The following TLL2 variants were observed in gnomAD, a reference collection of about 807,000 sequenced individuals.
TLL2 encodes tolloid like 2.
A neutral mutation model predicts 123.0 loss-of-function variants in TLL2; 106 were observed. The observed-to-expected ratio is 0.86, with a 90% CI of 0.74 to 1.01. TLL2 has a LOEUF of 1.01. Among genes scored for constraint, TLL2 ranks in the 50% least tolerant of loss-of-function variants. The probability of loss-of-function intolerance (pLI) is 0.00; values close to 1 mark genes in which losing one functional copy is unlikely to be tolerated. For missense variants in TLL2, 1,332 were observed against 1,336.7 expected, an observed-to-expected ratio of 1.00 and a Z score of 0.06; for synonymous variants, 494 against 516.8, an observed-to-expected ratio of 0.96 and a Z score of 0.60.
At chr10:96,405,086 G>T in intron 10 of TLL2, 146 bp downstream of exon 10, 1 of 698,548 alleles carries the variant, frequency 1.4e-6, no homozygotes, top group Non-Finnish European at 2.5e-6. Context: ...AACATGTGTG[G>T]CCAAATGGAG....
intron 1 of TLL2, among the ~76,000 whole-genome samples, chr10:96,508,157 G>A (rs1847594670): frequency 1.3e-5 from 2 of 152,142 alleles, no homozygotes; most frequent in African/African-American, 4.8e-5. Flanking sequence ...AAACCAGGAT[G>A]CCCGCCCTGC....
chr10:96,425,597 T>C lies in TLL2; in HGVS notation c.639-2870A>G, dbSNP rs187377740. On this transcript the variant is annotated intron_variant, in intron 5 of 20. Coordinates refer to ENST00000357947, the MANE Select transcript of TLL2 (RefSeq NM_012465.4). ...TTAGTCTTAGATATAGTATCTATTA[T>C]GTTTCTATTAAAGTTGTGATTTTTT... 4.0e-3 allele frequency among the ~76,000 whole-genome samples: 613 copies of C among 152,052 alleles called. 12 individuals carry two copies. The highest frequency in any genetic ancestry group is 0.014 in the African/African-American group (585 of 41,532).
At chr10:96,428,443 G>A (rs564294336) in intron 5 of TLL2, among the ~76,000 whole-genome samples, 188 bp downstream of exon 5, 2 of 152,234 alleles carry the variant, frequency 1.3e-5, no homozygotes, top group Admixed American at 6.5e-5. Context: ...GAGTCTCCTG[G>A]AATCTTCCTC....
chr10:96,440,886 T>C (rs1846844271), intron 3 of TLL2, among the ~76,000 whole-genome samples: 2 of 152,246 alleles, frequency 1.3e-5, no homozygotes, highest in South Asian at 4.1e-4. Flanking sequence ...AGGATCTTAA[T>C]GCAACTGTCA....
intron 10 of TLL2, among the ~76,000 whole-genome samples, chr10:96,404,939 A>G (rs943968337): frequency 3.9e-5 from 6 of 152,196 alleles, no homozygotes; most frequent in African/African-American, 1.4e-4. Context: ...GAACATTTAA[A>G]TTGCTTGCAA....
chr10:96,443,029 CA>C (rs1379636704), intron 3 of TLL2, among the ~76,000 whole-genome samples: 1 of 152,130 alleles, frequency 6.6e-6, no homozygotes, highest in African/African-American at 2.4e-5. Flanking sequence ...GATTCAAACC[CA>C]AGTGTGTCTG....
chr10:96,373,953 A>C, intron 18 of TLL2, 144 bp from the exon 19 acceptor site: 1 of 668,964 alleles, frequency 1.5e-6, no homozygotes, highest in Non-Finnish European at 2.5e-6. Context: ...GGCCGTGATG[A>C]TGCTTGAGGA....
intron 16 of TLL2, 68 bp downstream of exon 16, chr10:96,384,519 C>T: frequency 1.4e-6 from 2 of 1,417,524 alleles, no homozygotes; most frequent in African/African-American, 1.5e-5. Context: ...GGCCAGGGAC[C>T]CCAGAGCCTG....
chr10:96,509,252 C>T (rs916742183), intron 1 of TLL2, among the ~76,000 whole-genome samples: 2 of 152,118 alleles, frequency 1.3e-5, no homozygotes, highest in African/African-American at 4.8e-5. Context: ...GACAAGCCTC[C>T]CCTGCTGTGT....
At chr10:96,383,717 T>C (rs1464578057) in intron 16 of TLL2, among the ~76,000 whole-genome samples, 1 of 152,196 alleles carries the variant, frequency 6.6e-6, no homozygotes, top group African/African-American at 2.4e-5. Flanking sequence ...ACCTCCTGTG[T>C]TCAAGCGATT....
At chr10:96,386,307 T>C (rs1248134151) in intron 14 of TLL2, 92 bp from the exon 15 acceptor site, 3 of 1,293,442 alleles carry the variant, frequency 2.3e-6, no homozygotes, top group Non-Finnish European at 3.1e-6. Flanking sequence ...TGCTGTTCTG[T>C]AATAATTTTA....
chr10:96,388,227 C>A (rs1448990963), intron 13 of TLL2, among the ~76,000 whole-genome samples: 6 of 152,150 alleles, frequency 3.9e-5, no homozygotes, highest in Admixed American at 3.9e-4. Context: ...CATGGTGAAA[C>A]CCCGTCTCTA....
At chr10:96,400,736 G>A (rs10882786) in intron 10 of TLL2, among the ~76,000 whole-genome samples, 66,420 of 151,984 alleles carry the variant, frequency 0.44, 15,065 homozygotes, top group East Asian at 0.74. Flanking sequence ...GATACAGAAT[G>A]CCCAAAGACA....
chr10:96,365,216 T>C lies in TLL2; in HGVS notation c.*2872A>G, dbSNP rs1846012210. The C allele has an allele frequency of 6.6e-6, 1 of 152,226 alleles. No individual in the cohort carries two copies. The highest frequency in any genetic ancestry group is 2.1e-4 in the South Asian group (1 of 4,836). 9.4% of individuals were successfully genotyped at this position (152,226 alleles called of 1,614,324 possible). On this transcript the variant is annotated 3_prime_UTR_variant, in exon 21 of 21. Transcript: ENST00000357947. ...GGCCAAGGGTTGGACAAGCTTGCTT[T>C]AGAGAGAAATTGTAAAGTAGAAATA... is the stretch of plus-strand genomic sequence containing the variant.
chr10:96,502,086 G>A (rs1311248332), intron 1 of TLL2, among the ~76,000 whole-genome samples: 3 of 152,176 alleles, frequency 2.0e-5, no homozygotes, highest in African/African-American at 7.2e-5. Context: ...GGCCTCATGG[G>A]GGAAATGACA....
chr10:96,458,587 CAAAAAAAAAAAAAAA>C (rs55819031), intron 2 of TLL2, among the ~76,000 whole-genome samples: 7 of 45,996 alleles, frequency 1.5e-4, no homozygotes, highest in Admixed American at 6.9e-4. Context: ...GACTTCGTCT[CAAAAAAAAAAAAAAA>C]AAAAAAAAAA....
chr10:96,402,894 C>T (rs954614809), intron 10 of TLL2, among the ~76,000 whole-genome samples: 2 of 152,316 alleles, frequency 1.3e-5, no homozygotes, highest in Middle Eastern at 3.4e-3. Flanking sequence ...AGTGACACCC[C>T]ACAGTTTAGC....
chr10:96,454,121 A>G (rs955797421), intron 2 of TLL2, among the ~76,000 whole-genome samples: 20 of 152,310 alleles, frequency 1.3e-4, no homozygotes, highest in African/African-American at 4.3e-4. Context: ...TTGTAATCCA[A>G]TCTTTTTTTT....
chr10:96,448,058 A>G (rs1213367575), intron 2 of TLL2, among the ~76,000 whole-genome samples: 1 of 152,176 alleles, frequency 6.6e-6, no homozygotes, highest in Non-Finnish European at 1.5e-5. Flanking sequence ...CATGCAGGCC[A>G]TCACTTTCCC....
Sources: gnomAD v4.1 joint callset for allele counts (sites outside exome capture counted in the v4.1 genomes callset) on GRCh38, gnomAD v4.1.1 for gene constraint, MANE v1.5 for transcripts, NCBI Gene and HGNC (gene_info 2026-07-23, HGNC 2026-07-21) for gene names.